Variants in TTC6 observed in about 807,000 individuals in gnomAD.
TTC6 encodes the protein tetratricopeptide repeat domain 6, also known as tetratricopeptide repeat protein 6.
TTC6 carries 172 observed loss-of-function variants against 210.4 expected under a neutral mutation model. That is an observed-to-expected ratio of 0.82 (90% CI 0.72 to 0.93). The LOEUF is 0.93. Among genes scored for constraint, TTC6 ranks in the 40% least tolerant of loss-of-function variants. The pLI is 0.00. For missense variants in TTC6, 2,414 were observed against 2,318.1 expected (o/e 1.04, Z -0.85); for synonymous variants, 804 against 819.6 (o/e 0.98, Z 0.32).
chr14:37,750,696 G>T (rs1294239105), intron 12 of TTC6, among the ~76,000 whole-genome samples: 2 of 152,060 alleles, frequency 1.3e-5, no homozygotes, highest in Non-Finnish European at 2.9e-5. Flanking sequence ...AGACCAGCCT[G>T]GGCAACATGG....
chr14:37,744,476 G>T (rs2095930045), intron 10 of TTC6, among the ~76,000 whole-genome samples: 1 of 152,196 alleles, frequency 6.6e-6, no homozygotes. Flanking sequence ...AATATCTGAA[G>T]TGGTCATAAC....
intron 1 of TTC6, among the ~76,000 whole-genome samples, chr14:37,679,547 A>G (rs978086510): frequency 3.3e-5 from 5 of 152,090 alleles, no homozygotes; most frequent in Admixed American, 6.6e-5. Context: ...TTTCCTGTGC[A>G]GTGTTTTATA....
At chr14:37,809,715 C>G (rs1038228153) in intron 24 of TTC6, among the ~76,000 whole-genome samples, 1 of 152,104 alleles carries the variant, frequency 6.6e-6, no homozygotes, top group Admixed American at 6.5e-5. Flanking sequence ...TGGGCTGCAG[C>G]AAACCTTTTT....
intron 24 of TTC6, 142 bp downstream of exon 26, chr14:37,808,988 G>A (rs1595296940): frequency 2.3e-6 from 1 of 426,704 alleles, no homozygotes; most frequent in East Asian, 3.7e-5. Flanking sequence ...CATTTATAAA[G>A]TATTTTCTTA....
intron 1 of TTC6, among the ~76,000 whole-genome samples, chr14:37,660,649 C>T (rs1269989222): frequency 3.9e-5 from 6 of 152,272 alleles, no homozygotes; most frequent in Non-Finnish European, 4.4e-5. Flanking sequence ...CTGCAGTGAA[C>T]ATTTGTGTGC....
chr14:37,747,677 G>A (rs1459248839), intron 10 of TTC6, among the ~76,000 whole-genome samples: 9 of 152,152 alleles, frequency 5.9e-5, no homozygotes, highest in Non-Finnish European at 1.0e-4. Flanking sequence ...GAGACCAGGC[G>A]ATCCTAAGGC....
exon 1 of TTC6, chr14:37,622,992 A>G (rs1014305199): frequency 6.8e-7 from 1 of 1,469,946 alleles, no homozygotes. Context: ...GAACTACGAC[A>G]TTACAATGGA....
intron 14 of TTC6, among the ~76,000 whole-genome samples, chr14:37,776,597 G>C (rs1366978207): frequency 2.0e-5 from 3 of 152,070 alleles, no homozygotes; most frequent in Admixed American, 6.6e-5. Context: ...GATTTGATAT[G>C]AAATTCTAGG....
chr14:37,822,697 C>G (rs999376904), intron 26 of TTC6, among the ~76,000 whole-genome samples: 1 of 152,126 alleles, frequency 6.6e-6, no homozygotes, highest in East Asian at 1.9e-4. Context: ...TTCTTGTGCA[C>G]CAACCACAGG....
At chr14:37,641,403 C>A (rs2139384983) in intron 1 of TTC6, among the ~76,000 whole-genome samples, 1 of 152,264 alleles carries the variant, frequency 6.6e-6, no homozygotes, top group South Asian at 2.1e-4. Context: ...GCTAGCCAAC[C>A]ACAATCATGT....
intron 29 of TTC6, among the ~76,000 whole-genome samples, chr14:37,835,420 T>C (rs373035803): frequency 1.2e-3 from 176 of 151,910 alleles, no homozygotes; most frequent in African/African-American, 4.0e-3. Context: ...TAAATGAGAG[T>C]GTCAGGGATA....
At chr14:37,787,731 G>A in intron 15 of TTC6, 94 bp downstream of exon 17, 3 of 997,670 alleles carry the variant, frequency 3.0e-6, no homozygotes, top group Non-Finnish European at 2.7e-6. Flanking sequence ...GTTCACTAAT[G>A]TAATATGTAT....
intron 24 of TTC6, among the ~76,000 whole-genome samples, chr14:37,811,779 C>T (rs1014872508): frequency 6.6e-6 from 1 of 152,050 alleles, no homozygotes; most frequent in Non-Finnish European, 1.5e-5. Context: ...CCTACAAGTG[C>T]TTATTTGTTA....
intron 14 of TTC6, among the ~76,000 whole-genome samples, chr14:37,754,551 G>C (rs2139057100): frequency 6.6e-6 from 1 of 152,030 alleles, no homozygotes; most frequent in Middle Eastern, 3.4e-3. Context: ...TCCTGCCTCA[G>C]CCTTCCGAGT....
chr14:37,753,189 G>A (rs1043056352), exon 14 of TTC6: 4 of 1,535,154 alleles, frequency 2.6e-6, no homozygotes, highest in Admixed American at 3.9e-5. Flanking sequence ...AGCCATAGAG[G>A]ATTTTACAGC....
At chr14:37,735,659 A>G (rs2095899665) in intron 7 of TTC6, among the ~76,000 whole-genome samples, 1 of 152,186 alleles carries the variant, frequency 6.6e-6, no homozygotes, top group Admixed American at 6.5e-5. Context: ...CACTCCTAAG[A>G]TTAAGGATGC....
intron 5 of TTC6, among the ~76,000 whole-genome samples, chr14:37,706,318 T>C (rs949864776): frequency 5.9e-5 from 9 of 152,114 alleles, no homozygotes; most frequent in Admixed American, 3.9e-4. Flanking sequence ...GGACCACTCC[T>C]TTCTTGGCTA....
At chr14:37,781,558 T>G (rs2096054805) in intron 14 of TTC6, among the ~76,000 whole-genome samples, 1 of 152,206 alleles carries the variant, frequency 6.6e-6, no homozygotes, top group African/African-American at 2.4e-5. Flanking sequence ...TGCAAAAATT[T>G]TCTCCCATTC....
At chr14:37,682,340 A>T (rs1347977256) in intron 2 of TTC6, among the ~76,000 whole-genome samples, 1 of 152,106 alleles carries the variant, frequency 6.6e-6, no homozygotes, top group East Asian at 1.9e-4. Context: ...GTAGCTTTAT[A>T]AAAACATGAG....
Sources: gnomAD v4.1 joint callset for allele counts (sites outside exome capture counted in the v4.1 genomes callset) on GRCh38, gnomAD v4.1.1 for gene constraint, MANE v1.5 for transcripts, NCBI Gene and HGNC (gene_info 2026-07-23, HGNC 2026-07-21) for gene names.